Variants in TRIM45 observed in about 807,000 individuals in gnomAD.
TRIM45 encodes E3 ubiquitin-protein ligase TRIM45.
Under a neutral mutation model 46.7 loss-of-function variants are expected in TRIM45, and 45 were observed. The ratio of observed to expected loss-of-function variants is 0.96; its 90% CI spans 0.76 to 1.24. The LOEUF (loss-of-function observed/expected upper bound fraction) is 1.24. TRIM45 is among the 50% of genes most tolerant of loss of function. The pLI is 0.00. For synonymous variants in TRIM45, 259 were observed against 285.8 expected, an observed-to-expected ratio of 0.91 and a Z score of 0.94; for missense variants, 680 against 728.4, an observed-to-expected ratio of 0.93 and a Z score of 0.77.
chr1:117,123,792 G>A (rs1650757182), upstream of TRIM45, among the ~76,000 whole-genome samples: 1 of 152,034 alleles, frequency 6.6e-6, no homozygotes, highest in Admixed American at 6.6e-5. Flanking sequence ...ACCACACCTG[G>A]CTAATTTTTT....
Position 117,121,188 on chromosome 1 carries a change from C to G in TRIM45, c.14G>C (p.Arg5Thr). 1 of 1,556,816 alleles carries G rather than the reference C, an allele frequency of 6.4e-7. No homozygotes were observed. The highest frequency in any genetic ancestry group is 8.7e-7 in the Non-Finnish European group (1 of 1,156,032). Residue 5 changes from arginine (R) to threonine (T), a missense_variant, in exon 1 of 6, where the codon AGA becomes ACA. This residue lies in a region of TRIM45 where 349 missense variants were observed against 343.6 expected (regional missense o/e 1.02). Transcript: ENST00000256649. This position sits in a 1 kb window ranked among gnomAD's most constrained non-coding sequence, Gnocchi z 4.2. MSEN[R>T]KPLLGFVSKL... The stretch of plus-strand genomic sequence containing the variant: ...GCTTACAAAGCCCAGCAGCGGTTTT[C>G]TGTTTTCTGACATACTCCTCACGTT...
Position 117,112,326 on chromosome 1 carries a change from T to C in TRIM45, c.1722A>G (p.Leu574=), listed in dbSNP as rs559715589. The C allele has an allele frequency of 1.7e-5, 27 of 1,612,312 alleles. No homozygotes were observed. Among genetic ancestry groups the C allele is most frequent in the Admixed American group, 1.7e-4 (10 of 59,842 alleles). ...WTGGQSAPRS[L]LRTVAL is the part of the protein sequence containing the mutation. ...CCCATCAGAGAGCCACAGTCCTAAGTAGACTCCTCGGTGCGCTCTGCCCAC... is the reference window on the plus strand; with the variant it reads ...CCCATCAGAGAGCCACAGTCCTAAGCAGACTCCTCGGTGCGCTCTGCCCAC... The change falls in exon 6 of 6, where the codon CTA becomes CTG. Residue 574 remains leucine, a synonymous_variant. Coordinates refer to ENST00000256649, the MANE Select transcript of TRIM45 (RefSeq NM_025188.4).
intron 5 of TRIM45, among the ~76,000 whole-genome samples, chr1:117,112,798 G>A (rs558100069): frequency 6.6e-5 from 10 of 152,146 alleles, no homozygotes; most frequent in African/African-American, 2.2e-4. Context: ...TAGGTTGGTG[G>A]ACATTAAAAA....
chr1:117,118,198 C>T lies in TRIM45; in HGVS notation c.1058G>A (p.Arg353Gln), dbSNP rs34863850. ...ILITKRVVVERLRKLNKVQYS... is the reference protein window; with the variant it reads ...ILITKRVVVEQLRKLNKVQYS... Reference sequence around the variant, plus strand: ...TTGAACTTTGTTCAGCTTCCTGAGCCGTTCTACCACCACCCTCTTGGTGAT... The same window carrying T: ...TTGAACTTTGTTCAGCTTCCTGAGCTGTTCTACCACCACCCTCTTGGTGAT... Residue 353 changes from arginine to glutamine, a missense_variant, in exon 2 of 6, where the codon CGG becomes CAG. Transcript: ENST00000256649. This position sits in a 1 kb window ranked among gnomAD's most constrained non-coding sequence, Gnocchi z 5.7. 3.2e-3 allele frequency: 5,131 copies of T among 1,614,164 alleles called. 124 individuals are homozygous for T. The African/African-American group carries it at 0.055, about 17-fold the overall frequency.
intron 5 of TRIM45, among the ~76,000 whole-genome samples, chr1:117,112,875 G>C (rs1650271684): frequency 6.6e-6 from 1 of 152,112 alleles, no homozygotes. Context: ...CCCATTATTA[G>C]AGTAAGGACA....
chr1:117,116,236 CTT>C lies in TRIM45; in HGVS notation c.1352+378_1352+379del, dbSNP rs530981651. 2.0e-4 allele frequency among the ~76,000 whole-genome samples: 29 copies of C among 143,722 alleles called. No individual in the cohort carries two copies. The highest frequency in any genetic ancestry group is 2.5e-4 in the Non-Finnish European group (16 of 65,118). 94.3% of individuals were successfully genotyped at this position (143,722 alleles called of 152,430 possible). On this transcript the variant is annotated intron_variant, in intron 3 of 5. Transcript: ENST00000256649. The surrounding 1 kb of genome is among the most constrained non-coding windows in gnomAD (Gnocchi z 4.6). ...TAACTAGTGAGTTACACTCCAATATCTTTTTTTTTTTTTTGGACCTGGGGTCT... is the reference window on the plus strand; with the variant it reads ...TAACTAGTGAGTTACACTCCAATATCTTTTTTTTTTTTGGACCTGGGGTCT...
Position 117,121,467 on chromosome 1 carries a change from C to A in TRIM45, c.-266G>T. ...CCTCCTCTGCCCCGCAAGTCCTCCC[C>A]GGATGCGCTTCCAGGTCTAGCTCTC... is the stretch of plus-strand genomic sequence containing the variant. On this transcript the variant is annotated 5_prime_UTR_variant, in exon 1 of 6. Transcript: ENST00000256649. This position sits in a 1 kb window ranked among gnomAD's most constrained non-coding sequence, Gnocchi z 4.2. 3.9e-6 allele frequency: 2 copies of A among 516,604 alleles called. No homozygotes were observed. The highest frequency in any genetic ancestry group is 6.8e-6 in the Non-Finnish European group (2 of 294,830). 32.0% of individuals were successfully genotyped at this position (516,604 alleles called of 1,614,324 possible). A position where few individuals can be genotyped will look rare whatever the true frequency, so the allele number is the denominator to read the frequency against.
chr1:117,121,392 C>G lies in TRIM45; in HGVS notation c.-191G>C. ...CGAAGGAATCACCCACAGATCTACT[C>G]AGGAGGGCCCCCTCCTTTCCACTGC... On this transcript the variant is annotated 5_prime_UTR_variant, in exon 1 of 6. Transcript: ENST00000256649. This position sits in a 1 kb window ranked among gnomAD's most constrained non-coding sequence, Gnocchi z 4.2. 1 of 630,836 alleles carries G rather than the reference C, an allele frequency of 1.6e-6. No homozygotes were observed. Among genetic ancestry groups the G allele is most frequent in the Non-Finnish European group, 2.6e-6 (1 of 377,882 alleles). The allele number at this position is 630,836 out of a possible 1,614,324, so 39.1% of individuals were successfully genotyped here. A position where few individuals can be genotyped will look rare whatever the true frequency, so the allele number is the denominator to read the frequency against.
chr1:117,122,085 C>A, upstream of TRIM45: 1 of 386,016 alleles, frequency 2.6e-6, no homozygotes, highest in Non-Finnish European at 4.6e-6. Context: ...TAAAAAGCCA[C>A]GCTGATTTGG....
In TRIM45 at chr1:117,118,633, C is replaced by T. The variant is rs757400089; in HGVS notation, c.623G>A (p.Arg208Gln). ...CACCACACAATCCTGGCACACGGGC[C>T]GGTCACAGAACTCACAGAACAGCCT... is the stretch of plus-strand genomic sequence containing the variant. ...ELRLFCEFCD[R>Q]PVCQDCVVGE... Residue 208 changes from arginine (R) to glutamine (Q), a missense_variant, in exon 2 of 6, where the codon CGG becomes CAG. By Grantham distance (43) the Arg-to-Gln change is conservative. Around this residue, in one of 3 missense-constraint regions of TRIM45, gnomAD observed 349 missense variants for 343.6 expected, o/e 1.02. Transcript: ENST00000256649. The surrounding 1 kb of genome is among the most constrained non-coding windows in gnomAD (Gnocchi z 5.7). 39 of 1,614,076 alleles carry T rather than the reference C, an allele frequency of 2.4e-5. No homozygotes were observed. The East Asian group carries it at 5.1e-4, about 21-fold the overall frequency.
chr1:117,120,764 C>T lies in TRIM45; in HGVS notation c.438G>A (p.Arg146=). 1.2e-6 allele frequency: 2 copies of T among 1,613,848 alleles called. No individual in the cohort carries two copies. Among genetic ancestry groups the T allele is most frequent in the Non-Finnish European group, 1.7e-6 (2 of 1,179,836 alleles). ...AGAGGTTGGCTTTGCAGGTCTGACA[C>T]CTCTTCTCTACTTCCCTGTCGTTGC... The part of the protein sequence containing the change: ...DLCNDREVEK[R]CQTCKANLCH... Residue 146 remains arginine (R), a synonymous_variant, in exon 1 of 6, where the codon AGG becomes AGA. Coordinates refer to ENST00000256649, the MANE Select transcript of TRIM45 (RefSeq NM_025188.4).
chr1:117,122,895 G>C (rs1264521856), upstream of TRIM45, among the ~76,000 whole-genome samples: 1 of 151,930 alleles, frequency 6.6e-6, no homozygotes, highest in African/African-American at 2.4e-5. Flanking sequence ...TGCTTTCTTT[G>C]TTCATGACCT....
rs143211961 is a variant in TRIM45, at chr1:117,112,325, G to T, written c.1723C>A (p.Leu575Ile). 9.9e-6 allele frequency: 16 copies of T among 1,612,248 alleles called. No individual in the cohort carries two copies. The highest frequency in any genetic ancestry group is 9.9e-5 in the South Asian group (9 of 90,750). ...TGGQSAPRSL[L>I]RTVAL ...ACCCATCAGAGAGCCACAGTCCTAA[G>T]TAGACTCCTCGGTGCGCTCTGCCCA... Residue 575 changes from leucine to isoleucine, a missense_variant, in exon 6 of 6, where the codon CTT (leucine) becomes ATT (isoleucine). This residue lies in a region of TRIM45 where 322 missense variants were observed against 359.3 expected (regional missense o/e 0.90). Transcript: ENST00000256649.
Position 117,113,581 on chromosome 1 carries a change from G to T in TRIM45, c.1468-96C>A. 6.8e-7 allele frequency: 1 copy of T among 1,473,440 alleles called. No homozygotes were observed. The highest frequency in any genetic ancestry group is 1.3e-5 in the South Asian group (1 of 74,452). 91.3% of individuals were successfully genotyped at this position (1,473,440 alleles called of 1,614,324 possible). A position where few individuals can be genotyped will look rare whatever the true frequency, so the allele number is the denominator to read the frequency against. On this transcript the variant is annotated intron_variant, in intron 4 of 5. Transcript: ENST00000256649. This position sits in a 1 kb window ranked among gnomAD's most constrained non-coding sequence, Gnocchi z 4.0. ...TGCTAAACAGAGTCTGAGGCACAGG[G>T]CCTGTCCTTGGATGGACAAGGACAA...
In TRIM45 at chr1:117,115,394, A is replaced by T. The variant is rs1650360867; in HGVS notation, c.1467+181T>A. Among the ~76,000 whole-genome samples, 1 of 152,206 alleles carries T rather than the reference A, an allele frequency of 6.6e-6. No homozygotes were observed. The highest frequency in any genetic ancestry group is 6.5e-5 in the Admixed American group (1 of 15,278). ...GGTGACACAGGGATACAGGGTTCTT[A>T]TGGTCAACAGCATCCTCCAGGAAGA... On this transcript the variant is annotated intron_variant, in intron 4 of 5. Transcript: ENST00000256649. This position sits in a 1 kb window ranked among gnomAD's most constrained non-coding sequence, Gnocchi z 4.2.
Position 117,117,972 on chromosome 1 carries a change from ATCT to A in TRIM45, c.1222+59_1222+61del. ...TGCTTCCTAGCAGAACAAGCCACCAATCTTCACACACCACCTCCCTGTCCACTG... is the reference window on the plus strand; with the variant it reads ...TGCTTCCTAGCAGAACAAGCCACCAATCACACACCACCTCCCTGTCCACTG... On this transcript the variant is annotated intron_variant, in intron 2 of 5. Coordinates refer to ENST00000256649, the MANE Select transcript of TRIM45 (RefSeq NM_025188.4). The surrounding 1 kb of genome is among the most constrained non-coding windows in gnomAD (Gnocchi z 4.9). 6.4e-7 allele frequency: 1 copy of A among 1,561,992 alleles called. No individual in the cohort carries two copies. Among genetic ancestry groups the A allele is most frequent in the Non-Finnish European group, 8.7e-7 (1 of 1,153,704 alleles).
upstream of TRIM45, among the ~76,000 whole-genome samples, chr1:117,122,779 C>T (rs1299706782): frequency 6.6e-6 from 1 of 152,152 alleles, no homozygotes; most frequent in African/African-American, 2.4e-5. Context: ...CTGGCCTTAC[C>T]AGGCGTCTCC....
Position 117,121,086 on chromosome 1 carries a change from G to C in TRIM45, c.116C>G (p.Pro39Arg), listed in dbSNP as rs1650605581. ...TGTATGCAAACAAGGCAAGAGCCTG[G>C]GGGCTTTGAAAAGCCCCAAGCACAG... ...CPLCLGLFKA[P>R]RLLPCLHTVC... Residue 39 changes from proline to arginine, a missense_variant, in exon 1 of 6, where the codon CCC becomes CGC. By Grantham distance (103) the Pro-to-Arg change is moderately radical (BLOSUM62 -2). This residue lies in a region of TRIM45 where 349 missense variants were observed against 343.6 expected (regional missense o/e 1.02). Coordinates refer to ENST00000256649, the MANE Select transcript of TRIM45 (RefSeq NM_025188.4). This position sits in a 1 kb window ranked among gnomAD's most constrained non-coding sequence, Gnocchi z 4.2. 1.2e-6 allele frequency: 2 copies of C among 1,613,868 alleles called. No individual in the cohort carries two copies. The highest frequency in any genetic ancestry group is 2.2e-5 in the East Asian group (1 of 44,874).
At position 117,120,914 on chromosome 1, in the gene TRIM45, T is replaced by C. The variant is rs756897841; in HGVS notation, c.288A>G (p.Val96=). 7.4e-6 allele frequency: 12 copies of C among 1,614,164 alleles called. No individual in the cohort carries two copies. The highest frequency in any genetic ancestry group is 1.3e-5 in the African/African-American group (1 of 75,044). The part of the protein sequence containing the change: ...LQSQIGILCP[V]CDAQVDLPMG... ...TGGGCAGGTCCACCTGAGCATCACA[T>C]ACAGGACAAAGGATGCCGATCTGCG... Residue 96 remains valine (V), a synonymous_variant, in exon 1 of 6, where the codon GTA becomes GTG. Transcript: ENST00000256649.
Sources: allele counts gnomAD v4.1 joint callset (sites outside exome capture counted in the v4.1 genomes callset), GRCh38; gene constraint gnomAD v4.1.1; regional missense constraint gnomAD v4.1.1; non-coding constraint Gnocchi (gnomAD v3.1); transcripts MANE v1.5; gene names NCBI Gene and HGNC (gene_info 2026-07-23, HGNC 2026-07-21).